The following WDR49 variants were observed in gnomAD, a reference collection of about 807,000 sequenced individuals.
The protein encoded by WDR49 is cilia- and flagella-associated protein 337.
In WDR49, 107 loss-of-function variants were observed where a neutral mutation model predicts 119.5. That is an observed-to-expected ratio of 0.90 (90% CI 0.77 to 1.05). The LOEUF (loss-of-function observed/expected upper bound fraction) is 1.05. Ranked by LOEUF, WDR49 falls within the 50% of genes least tolerant of loss-of-function variation. The pLI, the probability that WDR49 is intolerant of heterozygous loss-of-function variation, is 0.00. For missense variants in WDR49, 1,240 were observed against 1,220.5 expected (o/e 1.02, Z -0.24); for synonymous variants, 425 against 418.8 (o/e 1.01, Z -0.18).
chr3:167,501,551 T>C (rs768391871), intron 17 of WDR49, among the ~76,000 whole-genome samples: 3 of 152,184 alleles, frequency 2.0e-5, no homozygotes, highest in South Asian at 2.1e-4. Context: ...TTATGCACCA[T>C]TTTTACAGCA....
At chr3:167,493,546 C>T (rs935318240) in intron 18 of WDR49, among the ~76,000 whole-genome samples, 3 of 152,152 alleles carry the variant, frequency 2.0e-5, no homozygotes, top group Admixed American at 6.6e-5. Context: ...CTGCTCAGCC[C>T]TGGGATGGGT....
chr3:167,586,091 A>G (rs1714799161), intron 7 of WDR49, among the ~76,000 whole-genome samples: 1 of 152,230 alleles, frequency 6.6e-6, no homozygotes, highest in South Asian at 2.1e-4. Flanking sequence ...TAGGTCTACA[A>G]TATAGAAGCC....
chr3:167,614,314 G>T (rs1224729931), intron 5 of WDR49, among the ~76,000 whole-genome samples: 1 of 152,090 alleles, frequency 6.6e-6, no homozygotes, highest in East Asian at 1.9e-4. Context: ...GGCCAGGCTG[G>T]TCTCCAACTC....
At chr3:167,561,302 C>T (rs977784284) in intron 8 of WDR49, among the ~76,000 whole-genome samples, 1 of 152,110 alleles carries the variant, frequency 6.6e-6, no homozygotes, top group African/African-American at 2.4e-5. Flanking sequence ...AAATCCTGCT[C>T]TCAAGGAGTC....
chr3:167,591,008 T>C (rs967464723), intron 7 of WDR49, among the ~76,000 whole-genome samples: 3 of 151,940 alleles, frequency 2.0e-5, no homozygotes, highest in Admixed American at 6.6e-5. Context: ...CACCATTAGG[T>C]TGTTTATTTG....
intron 17 of WDR49, among the ~76,000 whole-genome samples, chr3:167,501,089 C>T (rs1751543971): frequency 6.6e-6 from 1 of 152,150 alleles, no homozygotes; most frequent in Admixed American, 6.5e-5. Flanking sequence ...CTATGTGACC[C>T]CCTTGGCTTC....
chr3:167,621,033 T>C (rs1364599502), intron 4 of WDR49, among the ~76,000 whole-genome samples: 1 of 152,112 alleles, frequency 6.6e-6, no homozygotes, highest in African/African-American at 2.4e-5. Flanking sequence ...TGTTATATGA[T>C]ACAGGCAATG....
intron 7 of WDR49, among the ~76,000 whole-genome samples, chr3:167,588,008 T>C (rs1250465613): frequency 2.0e-5 from 3 of 152,320 alleles, no homozygotes; most frequent in South Asian, 4.1e-4. Context: ...TTTTTTACTA[T>C]AGTCACTCTG....
Position 167,549,717 on chromosome 3 carries a change from T to C in WDR49, c.1823+4933A>G, listed in dbSNP as rs1164786328. 2.0e-5 allele frequency among the ~76,000 whole-genome samples: 3 copies of C among 152,202 alleles called. No individual in the cohort carries two copies. In the East Asian group the frequency reaches 5.8e-4, roughly 29 times the overall value. ...GTTTAATTAGATCCCATTTGTCAATTTTGGCTTTTGTTGCCATTGCTTTTG... is the reference window on the plus strand; with the variant it reads ...GTTTAATTAGATCCCATTTGTCAATCTTGGCTTTTGTTGCCATTGCTTTTG... On this transcript the variant is annotated intron_variant, in intron 10 of 18. Coordinates refer to ENST00000682715, the MANE Select transcript of WDR49 (RefSeq NM_001366157.1).
intron 16 of WDR49, among the ~76,000 whole-genome samples, chr3:167,519,938 TAA>T (rs1367541232): frequency 1.3e-5 from 2 of 152,060 alleles, no homozygotes; most frequent in African/African-American, 4.8e-5. Context: ...AAGATTGGTT[TAA>T]AAAAGTGTTT....
intron 18 of WDR49, among the ~76,000 whole-genome samples, chr3:167,481,829 C>A (rs115069638): frequency 6.6e-6 from 1 of 152,110 alleles, no homozygotes; most frequent in African/African-American, 2.4e-5. Context: ...AAGACTGGCC[C>A]GCATGATTCA....
chr3:167,502,956 A>G (rs556804973), intron 17 of WDR49, among the ~76,000 whole-genome samples: 1 of 152,360 alleles, frequency 6.6e-6, no homozygotes, highest in Admixed American at 6.5e-5. Context: ...AGATCTGTAT[A>G]ACTAAAAGAG....
At chr3:167,560,350 T>A in intron 8 of WDR49, 122 bp from the exon 9 acceptor site, 1 of 987,544 alleles carries the variant, frequency 1.0e-6, no homozygotes, top group Non-Finnish European at 1.4e-6. Flanking sequence ...TCAGAGACAT[T>A]TTTGTAATGG....
In WDR49 at chr3:167,576,084, C is replaced by T. The variant is rs985494897; in HGVS notation, c.1343G>A (p.Ser448Asn). ...IQRIACSFPK[S>N]QDFRCLFHFD... is the part of the protein sequence containing the mutation. ...GTGGAAGAGACATCTGAAGTCCTGA[C>T]TTTTGGGGAAAGAACAAGCTATCCT... The change falls in exon 8 of 19, where the codon AGT becomes AAT. Residue 448 changes from serine to asparagine, a missense_variant. By Grantham distance (46) the Ser-to-Asn change is conservative. Coordinates refer to ENST00000682715, the MANE Select transcript of WDR49 (RefSeq NM_001366157.1). The T allele has an allele frequency of 1.2e-6, 2 of 1,614,128 alleles. No homozygotes were observed. Among genetic ancestry groups the T allele is most frequent in the East Asian group, 2.2e-5 (1 of 44,868 alleles).
intron 16 of WDR49, among the ~76,000 whole-genome samples, chr3:167,507,329 T>C (rs1332409052): frequency 1.3e-5 from 2 of 152,138 alleles, no homozygotes; most frequent in Non-Finnish European, 2.9e-5. Flanking sequence ...AGCCATCTCA[T>C]GTGAGTAAGA....
At chr3:167,580,258 T>C (rs1239718115) in intron 7 of WDR49, among the ~76,000 whole-genome samples, 1 of 152,180 alleles carries the variant, frequency 6.6e-6, no homozygotes, top group African/African-American at 2.4e-5. Flanking sequence ...CCACCTTCCA[T>C]CTTTAATTCT....
chr3:167,601,781 A>C (rs1211994943), intron 7 of WDR49, among the ~76,000 whole-genome samples: 1 of 152,128 alleles, frequency 6.6e-6, no homozygotes, highest in Admixed American at 6.6e-5. Flanking sequence ...CTATGCCTGG[A>C]CTTTATCTTA....
intron 16 of WDR49, among the ~76,000 whole-genome samples, chr3:167,509,904 G>A (rs943271694): frequency 1.3e-5 from 2 of 151,852 alleles, no homozygotes; most frequent in Admixed American, 6.6e-5. Context: ...ATTTTTGAGC[G>A]ATAAAACAGG....
At position 167,573,083 on chromosome 3, in the gene WDR49, C is replaced by T. The variant is rs968021797; in HGVS notation, c.1509+2835G>A. On this transcript the variant is annotated intron_variant, in intron 8 of 18. Coordinates refer to ENST00000682715, the MANE Select transcript of WDR49 (RefSeq NM_001366157.1). ...ATGTCATAAAGCAGCAACATTCGCC[C>T]TCTTTGGTATGGGGGACTTTAAAGA... Among the ~76,000 whole-genome samples the T allele has an allele frequency of 2.6e-5, 4 of 152,246 alleles. No individual in the cohort carries two copies. In the East Asian group the frequency reaches 7.7e-4, roughly 29 times the overall value.
Sources: gnomAD v4.1 joint callset for allele counts (sites outside exome capture counted in the v4.1 genomes callset) on GRCh38, gnomAD v4.1.1 for gene constraint, MANE v1.5 for transcripts, NCBI Gene and HGNC (gene_info 2026-07-23, HGNC 2026-07-21) for gene names.